Variants in ZNF677 observed in about 807,000 individuals in gnomAD.
ZNF677 encodes hypothetical protein MGC48625.
Under a neutral mutation model 8.1 loss-of-function variants are expected in ZNF677, and 5 were observed. That is an observed-to-expected ratio of 0.62 (90% CI 0.32 to 1.29). The LOEUF is 1.29. Ranked by LOEUF, ZNF677 falls within the 50% of genes most tolerant of loss-of-function variation. ZNF677 has a pLI of 0.05. For missense variants in ZNF677, 685 were observed against 685.9 expected (o/e 1.00, Z 0.01); for synonymous variants, 221 against 225.6 (o/e 0.98, Z 0.18).
rs1042093440 is a variant in ZNF677 at position 53,254,854 on chromosome 19, G to T, written c.-147C>A. 6.6e-5 allele frequency: 10 copies of T among 152,654 alleles called. No individual in the cohort carries two copies. Among genetic ancestry groups the T allele is most frequent in the Non-Finnish European group, 1.0e-4 (7 of 68,096 alleles). The allele number at this position is 152,654 out of a possible 1,614,324, so 9.5% of individuals were successfully genotyped here. A position where few individuals can be genotyped will look rare whatever the true frequency, so the allele number is the denominator to read the frequency against. On this transcript the variant is annotated 5_prime_UTR_variant, in exon 1 of 5. Coordinates refer to ENST00000598513, the MANE Select transcript of ZNF677 (RefSeq NM_182609.4). ...CTCACCCGAGAGCGCCAGTAGCCCCGCGAGATCCGCTTCCGGGTCGGCAGG... is the reference window on the plus strand; with the variant it reads ...CTCACCCGAGAGCGCCAGTAGCCCCTCGAGATCCGCTTCCGGGTCGGCAGG...
At chr19:53,254,120 T>C (rs2091277995) in intron 1 of ZNF677, among the ~76,000 whole-genome samples, 1 of 152,214 alleles carries the variant, frequency 6.6e-6, no homozygotes, top group Non-Finnish European at 1.5e-5. Context: ...AAATTTTAAA[T>C]TAATTATAGA....
Position 53,237,774 on chromosome 19 carries a change from G to C in ZNF677, c.953C>G (p.Pro318Arg). 2 of 1,613,484 alleles carry C rather than the reference G, an allele frequency of 1.2e-6. No individual in the cohort carries two copies. The change falls in exon 5 of 5, where the codon CCA (proline) becomes CGA (arginine). Residue 318 changes from proline (P) to arginine (R), a missense_variant. Physicochemically the swap from Pro to Arg is moderately radical, Grantham distance 103 (BLOSUM62 -2). Transcript: ENST00000598513. ...CTTGCCACATATATTACATTGATAT[G>C]GTTTCTCTCCTGTATGGACTCTCTG... is the stretch of plus-strand genomic sequence containing the variant. ...RHQRVHTGEK[P>R]YQCNICGKVC... is the part of the protein sequence containing the mutation.
At chr19:53,242,518 C>T (rs1204544583) in intron 4 of ZNF677, 4 of 397,220 alleles carry the variant, frequency 1.0e-5, no homozygotes, top group African/African-American at 2.1e-5. Flanking sequence ...TACATTAATG[C>T]TGAGTAACAA....
Position 53,236,219 on chromosome 19 carries a change from T to A in ZNF677, c.*753A>T, listed in dbSNP as rs2090971761. 6.6e-6 allele frequency: 1 copy of A among 151,854 alleles called. No individual in the cohort carries two copies. Among genetic ancestry groups the A allele is most frequent in the Non-Finnish European group, 1.5e-5 (1 of 67,954 alleles). 9.4% of individuals were successfully genotyped at this position (151,854 alleles called of 1,614,324 possible). ...ACTCTGTCTCCAAAAAAAGAAAAAA[T>A]TAGTGTTCTTGCTTTTTCCAGGTTT... On this transcript the variant is annotated 3_prime_UTR_variant, in exon 5 of 5. Coordinates refer to ENST00000598513, the MANE Select transcript of ZNF677 (RefSeq NM_182609.4).
At chr19:53,252,306 C>T (rs1454834182) in intron 2 of ZNF677, among the ~76,000 whole-genome samples, 16 of 152,144 alleles carry the variant, frequency 1.1e-4, no homozygotes, top group Non-Finnish European at 5.9e-5. Flanking sequence ...GGGATCCCAT[C>T]GGCTCAGATT....
chr19:53,246,097 T>TCA (rs1377429570), intron 3 of ZNF677, among the ~76,000 whole-genome samples: 1 of 151,972 alleles, frequency 6.6e-6, no homozygotes, highest in Non-Finnish European at 1.5e-5. Flanking sequence ...GGCGGATGGA[T>TCA]CACACGGTCA....
chr19:53,238,256 C>T lies in ZNF677; in HGVS notation c.471G>A (p.Gln157=), dbSNP rs1407049876. 2 of 1,613,858 alleles carry T rather than the reference C, an allele frequency of 1.2e-6. No individual in the cohort carries two copies. Among genetic ancestry groups the T allele is most frequent in the African/African-American group, 2.7e-5 (2 of 74,916 alleles). Residue 157 remains glutamine, a synonymous_variant, in exon 5 of 5, where the codon CAG becomes CAA. Transcript: ENST00000598513. ...QSVSIRDSAH[Q]YFIHDKPFIR... is the part of the protein sequence containing the mutation. ...TAAATGGCTTGTCATGGATGAAATACTGGTGTGCACTATCTCTTATAGAAA... is the reference window on the plus strand; with the variant it reads ...TAAATGGCTTGTCATGGATGAAATATTGGTGTGCACTATCTCTTATAGAAA...
At position 53,235,574 on chromosome 19, in the gene ZNF677, T is replaced by C. The variant is rs923074880; in HGVS notation, c.*1398A>G. The C allele has an allele frequency of 6.6e-6, 1 of 152,182 alleles. No individual in the cohort carries two copies. Among genetic ancestry groups the C allele is most frequent in the African/African-American group, 2.4e-5 (1 of 41,450 alleles). 9.4% of individuals were successfully genotyped at this position (152,182 alleles called of 1,614,324 possible). ...CTTCAGTTTCCAAAAATAAGACCTA[T>C]CTATGTTCAATAATCTGTGATATGC... On this transcript the variant is annotated 3_prime_UTR_variant, in exon 5 of 5. Transcript: ENST00000598513.
At position 53,238,158 on chromosome 19, in the gene ZNF677, T is replaced by A. The variant is rs759270094; in HGVS notation, c.569A>T (p.Lys190Ile). The part of the protein sequence containing the change: ...GNKYVKCFEN[K>I]IGLSLQAQLA... Reference sequence around the variant, plus strand: ...CTGTGCCTGTAAGCTTAATCCAATTTTATTTTCAAAACACTTCACGTATTT... The same window carrying A: ...CTGTGCCTGTAAGCTTAATCCAATTATATTTTCAAAACACTTCACGTATTT... Residue 190 changes from lysine (K) to isoleucine (I), a missense_variant, in exon 5 of 5, where the codon AAA (lysine) becomes ATA (isoleucine). By Grantham distance (102) the Lys-to-Ile change is moderately radical. Coordinates refer to ENST00000598513, the MANE Select transcript of ZNF677 (RefSeq NM_182609.4). The A allele has an allele frequency of 3.7e-6, 6 of 1,613,158 alleles. No homozygotes were observed. The highest frequency in any genetic ancestry group is 5.1e-6 in the Non-Finnish European group (6 of 1,179,572).
intron 3 of ZNF677, among the ~76,000 whole-genome samples, chr19:53,248,010 A>G (rs2091173970): frequency 6.6e-6 from 1 of 152,180 alleles, no homozygotes; most frequent in Admixed American, 6.5e-5. Flanking sequence ...CCATTTTGCT[A>G]CTTGTTTTTC....
chr19:53,238,316 A>C lies in ZNF677; in HGVS notation c.411T>G (p.Asn137Lys). The C allele has an allele frequency of 6.2e-7, 1 of 1,613,614 alleles. No individual in the cohort carries two copies. The highest frequency in any genetic ancestry group is 8.5e-7 in the Non-Finnish European group (1 of 1,179,772). Reference protein sequence around the residue: ...NLTHRKDQQHNKSSIHFSLKQ... With the variant: ...NLTHRKDQQHKKSSIHFSLKQ... ...TTAAAGAGAAATGTATTGAGGATTT[A>C]TTATGTTGTTGATCTTTTCTGTGAG... Residue 137 changes from asparagine to lysine, a missense_variant, in exon 5 of 5, where the codon AAT (asparagine) becomes AAG (lysine). By Grantham distance (94) the Asn-to-Lys change is moderately conservative (BLOSUM62 0). Coordinates refer to ENST00000598513, the MANE Select transcript of ZNF677 (RefSeq NM_182609.4).
rs748927694 is a variant in ZNF677, at chr19:53,243,750, C to T, written c.163G>A (p.Glu55Lys). 1.2e-5 allele frequency: 20 copies of T among 1,614,070 alleles called. 2 individuals carry two copies. In the South Asian group the frequency reaches 2.2e-4, roughly 18 times the overall value. Residue 55 changes from glutamate (E) to lysine (K), a missense_variant, in exon 4 of 5, where the codon GAA (glutamate) becomes AAA (lysine). Transcript: ENST00000598513. ...LSLDEDNIPPEDDISVGFTSK... is the reference protein window; with the variant it reads ...LSLDEDNIPPKDDISVGFTSK... ...GATGTACAAGGGTGGTTACCATCTT[C>T]TGGAGGGATGTTATCCTCATCGAGA...
At chr19:53,240,802 A>G (rs1424714762) in intron 4 of ZNF677, 1 of 152,140 alleles carries the variant, frequency 6.6e-6, no homozygotes, top group Non-Finnish European at 1.5e-5. Context: ...CAAAGCATAT[A>G]CATAGAGTGA....
At position 53,237,429 on chromosome 19, in the gene ZNF677, C is replaced by T. The variant is rs768552801; in HGVS notation, c.1298G>A (p.Cys433Tyr). 3.7e-6 allele frequency: 6 copies of T among 1,613,792 alleles called. No individual in the cohort carries two copies. Among genetic ancestry groups the T allele is most frequent in the African/African-American group, 1.3e-5 (1 of 74,870 alleles). Residue 433 changes from cysteine to tyrosine, a missense_variant, in exon 5 of 5, where the codon TGT becomes TAT. Transcript: ENST00000598513. ...NIHPGEKPHK[C>Y]NVCGRAFIQS... ...GATAAAAGCCCTGCCACACACATTA[C>T]ATTTGTGTGGTTTCTCTCCAGGATG...
rs2090996919 is a variant in ZNF677 at position 53,238,234 on chromosome 19, A to G, written c.493T>C (p.Phe165Leu). Residue 165 changes from phenylalanine (F) to leucine (L), a missense_variant, in exon 5 of 5, where the codon TTT (phenylalanine) becomes CTT (leucine). Phe to Leu is a conservative substitution (Grantham distance 22). Transcript: ENST00000598513. ...TTCAGTTTTAACAAATTCCTTATAA[A>G]TGGCTTGTCATGGATGAAATACTGG... ...AHQYFIHDKP[F>L]IRNLLKLKNN... The G allele has an allele frequency of 6.2e-7, 1 of 1,614,006 alleles. No homozygotes were observed. The highest frequency in any genetic ancestry group is 8.5e-7 in the Non-Finnish European group (1 of 1,179,944).
rs2090983058 is a variant in ZNF677 at position 53,237,400 on chromosome 19, T to C, written c.1327A>G (p.Ser443Gly). 2.5e-6 allele frequency: 4 copies of C among 1,614,056 alleles called. No individual in the cohort carries two copies. The highest frequency in any genetic ancestry group is 3.4e-6 in the Non-Finnish European group (4 of 1,180,008). ...CTCTGATGTTCCACAAGACTTGAAC[T>C]TTGGATAAAAGCCCTGCCACACACA... ...CNVCGRAFIQSSSLVEHQRIH... is the reference protein window; with the variant it reads ...CNVCGRAFIQGSSLVEHQRIH... Residue 443 changes from serine to glycine, a missense_variant, in exon 5 of 5, where the codon AGT (serine) becomes GGT (glycine). Physicochemically the swap from Ser to Gly is moderately conservative, Grantham distance 56. Coordinates refer to ENST00000598513, the MANE Select transcript of ZNF677 (RefSeq NM_182609.4).
chr19:53,254,682 C>G (rs1449322478), intron 1 of ZNF677, 152 bp downstream of exon 1: 1 of 152,470 alleles, frequency 6.6e-6, no homozygotes, highest in Non-Finnish European at 1.5e-5. Flanking sequence ...CCTCTCGGAG[C>G]GACGGGACTG....
At chr19:53,254,318 C>T (rs1369043757) in intron 1 of ZNF677, among the ~76,000 whole-genome samples, 2 of 151,954 alleles carry the variant, frequency 1.3e-5, no homozygotes, top group East Asian at 3.9e-4. Context: ...TCCCTTTCTG[C>T]TCATTTGGCT....
Position 53,237,266 on chromosome 19 carries a change from G to C in ZNF677, c.1461C>G (p.Tyr487Ter). ...HQRTHTGEKP[Y>*]KCTECGKAFT... ...AGGCTTTGCCACATTCAGTACATTT[G>C]TAAGGTTTCTCTCCAGTATGAGTTC... The change falls in exon 5 of 5, where the codon TAC becomes TAG. Residue 487 changes from tyrosine (Y) to a stop codon, truncating the protein, a stop_gained. Transcript: ENST00000598513. LOFTEE classifies it low-confidence loss of function (END_TRUNC). 1 of 1,613,798 alleles carries C rather than the reference G, an allele frequency of 6.2e-7. No individual in the cohort carries two copies. Among genetic ancestry groups the C allele is most frequent in the South Asian group, 1.1e-5 (1 of 91,056 alleles).
Sources: allele counts gnomAD v4.1 joint callset (sites outside exome capture counted in the v4.1 genomes callset), GRCh38; gene constraint gnomAD v4.1.1; transcripts MANE v1.5; gene names NCBI Gene and HGNC (gene_info 2026-07-23, HGNC 2026-07-21).